Variants in ZNF385D observed in about 807,000 individuals in gnomAD.
The protein encoded by ZNF385D is zinc finger protein 385D.
In ZNF385D, 15 loss-of-function variants were observed where a neutral mutation model predicts 35.8. The ratio of observed to expected loss-of-function variants is 0.42; its 90% CI spans 0.28 to 0.64. The LOEUF is 0.64. ZNF385D is among the 30% of genes least tolerant of loss of function. ZNF385D has a pLI of 0.23. For synonymous variants in ZNF385D, 212 were observed against 186.8 expected (o/e 1.13, Z -1.10); for missense variants, 474 against 494.6 (o/e 0.96, Z 0.39).
chr3:22,286,942 G>C (rs1265174927), intron 2 of ZNF385D, among the ~76,000 whole-genome samples: 1 of 151,998 alleles, frequency 6.6e-6, no homozygotes, highest in South Asian at 2.1e-4. Flanking sequence ...AATTTTCTGT[G>C]AGGATAATCT....
chr3:21,435,582 C>T (rs921337886), intron 5 of ZNF385D, among the ~76,000 whole-genome samples: 3 of 152,118 alleles, frequency 2.0e-5, no homozygotes, highest in African/African-American at 7.2e-5. Flanking sequence ...TTGATAAACT[C>T]TAGTCTCAAA....
intron 4 of ZNF385D, chr3:21,443,331 G>A (rs530556067): frequency 1.0e-6 from 1 of 985,392 alleles, no homozygotes; most frequent in East Asian, 1.1e-4. Flanking sequence ...GGGGAACAAA[G>A]TGTGGAGTTG....
At chr3:21,816,441 A>G (rs921696651) in intron 3 of ZNF385D, among the ~76,000 whole-genome samples, 1 of 152,238 alleles carries the variant, frequency 6.6e-6, no homozygotes, top group Non-Finnish European at 1.5e-5. Flanking sequence ...CCATTGTCTC[A>G]GCCCAAAATC....
intron 3 of ZNF385D, among the ~76,000 whole-genome samples, chr3:21,943,595 T>C (rs1330311913): frequency 1.3e-5 from 2 of 152,016 alleles, no homozygotes; most frequent in African/African-American, 4.8e-5. Flanking sequence ...CTCAACAAAT[T>C]ATATATACTA....
At chr3:21,656,941 T>C (rs2066088657) in intron 2 of ZNF385D, among the ~76,000 whole-genome samples, 1 of 151,876 alleles carries the variant, frequency 6.6e-6, no homozygotes, top group Non-Finnish European at 1.5e-5. Flanking sequence ...GGTCCTCTTA[T>C]TTACTCAAAA....
chr3:22,331,310 A>G (rs145177687), intron 2 of ZNF385D, among the ~76,000 whole-genome samples: 2 of 152,294 alleles, frequency 1.3e-5, no homozygotes, highest in East Asian at 1.9e-4. Flanking sequence ...TTAGAATACA[A>G]GAAGTATCTA....
chr3:22,124,588 T>C (rs1703318108), intron 3 of ZNF385D, among the ~76,000 whole-genome samples: 1 of 152,170 alleles, frequency 6.6e-6, no homozygotes, highest in African/African-American at 2.4e-5. Flanking sequence ...GAATTCATTA[T>C]TGCTCATCTT....
intron 2 of ZNF385D, among the ~76,000 whole-genome samples, chr3:22,218,924 G>A (rs1010389375): frequency 6.6e-6 from 1 of 152,028 alleles, no homozygotes; most frequent in Admixed American, 6.6e-5. Flanking sequence ...GTAGATCATT[G>A]CATGTTAGAC....
chr3:21,529,802 C>A (rs9810352), intron 3 of ZNF385D, among the ~76,000 whole-genome samples: 89,873 of 152,038 alleles, frequency 0.59, 26,641 homozygotes, highest in East Asian at 0.71. Context: ...TAAATTTTGG[C>A]TTTCCTTTCT....
At chr3:22,149,671 C>T (rs1705097338) in intron 3 of ZNF385D, among the ~76,000 whole-genome samples, 1 of 152,138 alleles carries the variant, frequency 6.6e-6, no homozygotes, top group Admixed American at 6.5e-5. Context: ...TTGTTACTTA[C>T]ACTCTTTTAA....
At chr3:22,261,845 A>G (rs1309943796) in intron 2 of ZNF385D, among the ~76,000 whole-genome samples, 1 of 151,876 alleles carries the variant, frequency 6.6e-6, no homozygotes, top group African/African-American at 2.4e-5. Context: ...CCTCAAGCCT[A>G]TGGGTGATAA....
chr3:21,917,267 G>A (rs905472072), intron 3 of ZNF385D, among the ~76,000 whole-genome samples: 2 of 152,034 alleles, frequency 1.3e-5, no homozygotes, highest in Non-Finnish European at 2.9e-5. Context: ...CCTGGTCTCT[G>A]CTAAAAATAC....
At chr3:22,106,444 G>A (rs1702218318) in intron 3 of ZNF385D, among the ~76,000 whole-genome samples, 1 of 152,114 alleles carries the variant, frequency 6.6e-6, no homozygotes, top group African/African-American at 2.4e-5. Flanking sequence ...ATACAATACA[G>A]AGTACCTGAC....
chr3:21,858,416 T>C (rs971981745), intron 3 of ZNF385D, among the ~76,000 whole-genome samples: 1 of 151,832 alleles, frequency 6.6e-6, no homozygotes, highest in Non-Finnish European at 1.5e-5. Flanking sequence ...GATTCACATG[T>C]TTAAACCTAA....
intron 1 of ZNF385D, among the ~76,000 whole-genome samples, chr3:21,689,479 A>C (rs2067213593): frequency 6.6e-6 from 1 of 152,184 alleles, no homozygotes; most frequent in Admixed American, 6.5e-5. Flanking sequence ...GGTGGACTTG[A>C]GGAAAAACTA....
At chr3:22,187,862 C>T (rs970356137) in intron 2 of ZNF385D, among the ~76,000 whole-genome samples, 3 of 152,148 alleles carry the variant, frequency 2.0e-5, no homozygotes, top group Admixed American at 1.3e-4. Flanking sequence ...TCCCAGCCTT[C>T]CTTTCTCCCA....
In ZNF385D at chr3:21,636,392, A is replaced by ATGATTT. The variant is rs1171265974; in HGVS notation, c.165+28493_165+28494insAAATCA. The stretch of plus-strand genomic sequence containing the variant: ...TATATATATGATTATATATATATAT[A>ATGATTT]TATATATATATATATATATATAGAG... On this transcript the variant is annotated intron_variant, in intron 2 of 7. Transcript: ENST00000281523. 1.1e-3 allele frequency among the ~76,000 whole-genome samples: 43 copies of ATGATTT among 39,326 alleles called. 2 individuals are homozygous for ATGATTT. In the South Asian group the frequency reaches 0.028, roughly 25 times the overall value. The allele number at this position is 39,326 out of a possible 152,430, so 25.8% of individuals were successfully genotyped here. A position where few individuals can be genotyped will look rare whatever the true frequency, so the allele number is the denominator to read the frequency against.
chr3:21,798,874 T>C (rs2072272829), intron 3 of ZNF385D, among the ~76,000 whole-genome samples: 2 of 152,182 alleles, frequency 1.3e-5, no homozygotes, highest in Non-Finnish European at 2.9e-5. Context: ...AAATTCACAA[T>C]GTTGTGCAAT....
At position 21,828,388 on chromosome 3, in the gene ZNF385D, A is replaced by C. The variant is rs578038206; in HGVS notation, c.326-163360T>G. ...ACATCTTCTGAATGATATAATAAAT[A>C]TATGTTTTACTACATTTTGGTGCCC... On this transcript the variant is annotated intron_variant, in intron 3 of 5. Coordinates refer to the ZNF385D transcript ENST00000494108. Among the ~76,000 whole-genome samples, 9 of 152,316 alleles carry C rather than the reference A, an allele frequency of 5.9e-5. No individual in the cohort carries two copies. The East Asian group carries it at 7.7e-4, about 13-fold the overall frequency.
Sources: allele counts gnomAD v4.1 joint callset (sites outside exome capture counted in the v4.1 genomes callset), GRCh38; gene constraint gnomAD v4.1.1; transcripts MANE v1.5; gene names NCBI Gene and HGNC (gene_info 2026-07-23, HGNC 2026-07-21).